The following ADK variants were observed in gnomAD, a reference collection of about 807,000 sequenced individuals.
ADK encodes the protein adenosine kinase.
A neutral mutation model predicts 44.7 loss-of-function variants in ADK; 24 were observed. The ratio of observed to expected loss-of-function variants is 0.54; its 90% confidence interval spans 0.39 to 0.76. The LOEUF (loss-of-function observed/expected upper bound fraction) is 0.76, where lower values mean the gene tolerates loss of function less well. Ranked by LOEUF, ADK falls within the 30% of genes least tolerant of loss-of-function variation. The probability of loss-of-function intolerance (pLI) is 0.00; values close to 1 mark genes in which losing one functional copy is unlikely to be tolerated. For synonymous variants in ADK, 128 were observed against 142.6 expected (o/e 0.90, Z 0.73); for missense variants, 321 against 425.1 (o/e 0.76, Z 2.15).
intron 3 of ADK, 30 bp from the exon 4 acceptor site, chr10:74,314,637 T>C: frequency 6.6e-7 from 1 of 1,524,640 alleles, no homozygotes; most frequent in Non-Finnish European, 9.1e-7. Flanking sequence ...AGAAGGTAAC[T>C]TACTTTTTTC....
At chr10:74,700,779 T>C (rs996912318) in intron 10 of ADK, among the ~76,000 whole-genome samples, 2 of 152,210 alleles carry the variant, frequency 1.3e-5, no homozygotes, top group Non-Finnish European at 2.9e-5. Flanking sequence ...TCACTCTTCT[T>C]TGAGCATATC....
chr10:74,671,383 C>T (rs555312837), intron 10 of ADK, among the ~76,000 whole-genome samples: 4 of 151,866 alleles, frequency 2.6e-5, no homozygotes, highest in Non-Finnish European at 5.9e-5. Context: ...CTTTTAGTGG[C>T]GACGGGGTTT....
chr10:74,174,078 G>A (rs1259732149), intron 1 of ADK, among the ~76,000 whole-genome samples: 4 of 151,648 alleles, frequency 2.6e-5, no homozygotes, highest in East Asian at 3.9e-4. Flanking sequence ...TGAGGTGGGC[G>A]GATCACTTGA....
intron 4 of ADK, among the ~76,000 whole-genome samples, chr10:74,317,180 A>G (rs761481186): frequency 6.6e-6 from 1 of 152,204 alleles, no homozygotes; most frequent in Non-Finnish European, 1.5e-5. Flanking sequence ...TTGTCCAAAC[A>G]CAATTCTAGA....
intron 10 of ADK, among the ~76,000 whole-genome samples, chr10:74,690,275 G>C (rs12146408): frequency 6.6e-6 from 1 of 152,160 alleles, no homozygotes; most frequent in Non-Finnish European, 1.5e-5. Context: ...TGGGTGGATC[G>C]CTTGAACTCA....
chr10:74,427,129 G>A (rs1301237581), intron 6 of ADK, among the ~76,000 whole-genome samples: 1 of 152,186 alleles, frequency 6.6e-6, no homozygotes, highest in African/African-American at 2.4e-5. Context: ...TATGTCCTTA[G>A]CTTGGGGTGG....
intron 3 of ADK, among the ~76,000 whole-genome samples, chr10:74,300,316 TTCCTTCCTTCC>T (rs1564640976): frequency 1.1e-4 from 12 of 112,276 alleles, no homozygotes; most frequent in African/African-American, 3.7e-4. Flanking sequence ...CCTTCTTTCC[TTCCTTCCTTCC>T]TTCCTTCCTT....
At chr10:74,633,686 AAT>A (rs774551219) in intron 9 of ADK, among the ~76,000 whole-genome samples, 2 of 152,206 alleles carry the variant, frequency 1.3e-5, no homozygotes, top group African/African-American at 2.4e-5. Flanking sequence ...CTCTTAACAA[AAT>A]ATTACAAAAC....
intron 4 of ADK, among the ~76,000 whole-genome samples, chr10:74,368,043 A>T (rs894318655): frequency 3.9e-5 from 6 of 152,240 alleles, no homozygotes; most frequent in Admixed American, 3.9e-4. Context: ...ACAGAAACAT[A>T]CATTTTAGAA....
intron 6 of ADK, among the ~76,000 whole-genome samples, chr10:74,512,985 T>C (rs2133534614): frequency 6.6e-6 from 1 of 152,252 alleles, no homozygotes; most frequent in Non-Finnish European, 1.5e-5. Flanking sequence ...TCAAAGAATT[T>C]TTAAATTTTA....
At chr10:74,189,136 T>C (rs1842874321) in intron 1 of ADK, among the ~76,000 whole-genome samples, 1 of 152,202 alleles carries the variant, frequency 6.6e-6, no homozygotes, top group South Asian at 2.1e-4. Context: ...TAACATTTTC[T>C]TCTAAGTACT....
chr10:74,386,798 T>G (rs917451825), intron 4 of ADK, among the ~76,000 whole-genome samples: 13 of 152,174 alleles, frequency 8.5e-5, no homozygotes, highest in Non-Finnish European at 1.6e-4. Context: ...TAATATTATA[T>G]TCTTGTTTCC....
At chr10:74,469,749 C>T (rs1846491695) in intron 6 of ADK, among the ~76,000 whole-genome samples, 1 of 152,176 alleles carries the variant, frequency 6.6e-6, no homozygotes, top group Non-Finnish European at 1.5e-5. Context: ...AAACACCTTG[C>T]AAAACGGAAA....
At chr10:74,396,760 C>T (rs920607448) in intron 5 of ADK, among the ~76,000 whole-genome samples, 2 of 151,724 alleles carry the variant, frequency 1.3e-5, no homozygotes, top group Non-Finnish European at 1.5e-5. Flanking sequence ...TTGAGACCAG[C>T]CTGGCCAACA....
At chr10:74,452,171 A>G (rs547056573) in intron 6 of ADK, among the ~76,000 whole-genome samples, 1 of 152,146 alleles carries the variant, frequency 6.6e-6, no homozygotes, top group African/African-American at 2.4e-5. Context: ...TAACAAAAAT[A>G]TGAAAGATCT....
At chr10:74,670,575 G>GC (rs1366103108) in intron 10 of ADK, among the ~76,000 whole-genome samples, 1 of 152,160 alleles carries the variant, frequency 6.6e-6, no homozygotes. Flanking sequence ...TATATTCATA[G>GC]CCCTTCAGGC....
chr10:74,510,184 C>T (rs1848250749), intron 6 of ADK, among the ~76,000 whole-genome samples: 1 of 152,086 alleles, frequency 6.6e-6, no homozygotes, highest in African/African-American at 2.4e-5. Flanking sequence ...CTATTCCCAC[C>T]AACAATGTAT....
intron 4 of ADK, among the ~76,000 whole-genome samples, chr10:74,358,321 T>G (rs147173853): frequency 2.5e-3 from 377 of 152,344 alleles, no homozygotes; most frequent in Non-Finnish European, 4.4e-3. Flanking sequence ...GGAAATGCAT[T>G]AACTTAGCAT....
chr10:74,170,813 AAAG>A (rs1842143278), intron 1 of ADK, among the ~76,000 whole-genome samples: 1 of 151,276 alleles, frequency 6.6e-6, no homozygotes, highest in Admixed American at 6.6e-5. Flanking sequence ...AAAAAAAAAA[AAAG>A]AAAAAAGATA....
Sources: allele counts gnomAD v4.1 joint callset (sites outside exome capture counted in the v4.1 genomes callset), GRCh38; gene constraint gnomAD v4.1.1; transcripts MANE v1.5; gene names NCBI Gene and HGNC (gene_info 2026-07-23, HGNC 2026-07-21).